Variants in MICU1 observed in about 807,000 individuals in gnomAD.
The protein encoded by MICU1 is calcium uptake protein 1, mitochondrial.
MICU1 carries 45 observed loss-of-function variants against 56.8 expected under a neutral mutation model. The ratio of observed to expected loss-of-function variants is 0.79; its 90% CI spans 0.62 to 1.02. The LOEUF is 1.02. MICU1 is among the 50% of genes least tolerant of loss of function. The pLI, the probability that MICU1 is intolerant of heterozygous loss-of-function variation, is 0.00. For synonymous variants in MICU1, 186 were observed against 195.1 expected, an observed-to-expected ratio of 0.95 and a Z score of 0.39; for missense variants, 504 against 587.1, an observed-to-expected ratio of 0.86 and a Z score of 1.46.
At chr10:72,595,178 C>T (rs538733984) in intron 1 of MICU1, among the ~76,000 whole-genome samples, 7 of 151,650 alleles carry the variant, frequency 4.6e-5, no homozygotes, top group East Asian at 1.9e-4. Context: ...AGGCTGGGCG[C>T]GGTGGCTCAC....
At chr10:72,622,868 T>G (rs1842137079) in intron 1 of MICU1, among the ~76,000 whole-genome samples, 1 of 152,206 alleles carries the variant, frequency 6.6e-6, no homozygotes, top group Non-Finnish European at 1.5e-5. Flanking sequence ...TTAAAAGTAT[T>G]AACAATTTTC....
At chr10:72,538,939 G>A (rs1432565862) in intron 4 of MICU1, among the ~76,000 whole-genome samples, 1 of 151,988 alleles carries the variant, frequency 6.6e-6, no homozygotes, top group African/African-American at 2.4e-5. Context: ...AAGAGAGCAG[G>A]AGTAGCTATA....
At chr10:72,439,927 T>C (rs1008064232) in intron 8 of MICU1, among the ~76,000 whole-genome samples, 1 of 152,228 alleles carries the variant, frequency 6.6e-6, no homozygotes, top group Non-Finnish European at 1.5e-5. Context: ...GAACATTCCA[T>C]GCTCATGGAT....
intron 1 of MICU1, among the ~76,000 whole-genome samples, chr10:72,621,838 T>C (rs1842111993): frequency 6.6e-6 from 1 of 152,132 alleles, no homozygotes; most frequent in Non-Finnish European, 1.5e-5. Flanking sequence ...ATAATAGGCA[T>C]TAAAAATAGA....
chr10:72,489,720 TG>T (rs1866592426), intron 6 of MICU1, among the ~76,000 whole-genome samples: 1 of 152,234 alleles, frequency 6.6e-6, no homozygotes, highest in South Asian at 2.1e-4. Flanking sequence ...CCACCCTGTA[TG>T]TTTTTCTAAT....
chr10:72,484,340 T>G (rs537045635), intron 6 of MICU1, among the ~76,000 whole-genome samples: 1 of 152,232 alleles, frequency 6.6e-6, no homozygotes, highest in Admixed American at 6.5e-5. Context: ...AATCTAGTTC[T>G]TCTTAGCTCT....
intron 8 of MICU1, among the ~76,000 whole-genome samples, chr10:72,472,421 C>A (rs1033262371): frequency 1.3e-5 from 2 of 152,002 alleles, no homozygotes; most frequent in African/African-American, 4.8e-5. Context: ...CCTCTGTATG[C>A]GATGAAGAAA....
chr10:72,543,123 A>G (rs1042985092), intron 4 of MICU1, among the ~76,000 whole-genome samples: 1 of 152,176 alleles, frequency 6.6e-6, no homozygotes, highest in African/African-American at 2.4e-5. Flanking sequence ...CTGGAATAGA[A>G]GTTCTCACTT....
At chr10:72,416,970 C>T (rs999862521) in intron 9 of MICU1, among the ~76,000 whole-genome samples, 10 of 152,260 alleles carry the variant, frequency 6.6e-5, no homozygotes, top group Non-Finnish European at 1.3e-4. Context: ...AAATCTGTTT[C>T]GTTCCAGTAG....
intron 1 of MICU1, among the ~76,000 whole-genome samples, chr10:72,601,795 TC>T (rs1841543213): frequency 3.6e-5 from 1 of 28,060 alleles, no homozygotes. Flanking sequence ...TTTCTTTTTT[TC>T]TTTTTCTTTT....
At chr10:72,616,115 TTC>T (rs1455037843) in intron 1 of MICU1, among the ~76,000 whole-genome samples, 1 of 152,256 alleles carries the variant, frequency 6.6e-6, no homozygotes, top group African/African-American at 2.4e-5. Context: ...TCTGTGTCAC[TTC>T]TGTTTTGGTT....
At chr10:72,614,175 T>G (rs924969903) in intron 1 of MICU1, among the ~76,000 whole-genome samples, 2 of 151,554 alleles carry the variant, frequency 1.3e-5, no homozygotes, top group Non-Finnish European at 2.9e-5. Context: ...TAATATAAAA[T>G]GTACCCATAC....
At chr10:72,507,304 T>G (rs1026797984) in intron 6 of MICU1, among the ~76,000 whole-genome samples, 1 of 152,100 alleles carries the variant, frequency 6.6e-6, no homozygotes, top group African/African-American at 2.4e-5. Context: ...TTAAAAAAAG[T>G]CACATCAAAA....
intron 1 of MICU1, among the ~76,000 whole-genome samples, chr10:72,582,548 T>C (rs940040690): frequency 2.0e-5 from 3 of 152,106 alleles, no homozygotes; most frequent in African/African-American, 7.2e-5. Flanking sequence ...TTGAACCTTG[T>C]CAGGTTCAAG....
intron 6 of MICU1, among the ~76,000 whole-genome samples, chr10:72,495,382 G>A (rs12770637): frequency 6.6e-6 from 1 of 152,134 alleles, no homozygotes; most frequent in African/African-American, 2.4e-5. Context: ...TAGGCTGGGT[G>A]CAGTGGCTCA....
intron 1 of MICU1, among the ~76,000 whole-genome samples, chr10:72,575,099 G>C (rs1270915272): frequency 6.6e-6 from 1 of 152,058 alleles, no homozygotes. Context: ...GGGTCTTGCT[G>C]TATTGCTAAG....
intron 5 of MICU1, among the ~76,000 whole-genome samples, chr10:72,514,266 T>C (rs1312785458): frequency 3.3e-5 from 5 of 152,188 alleles, no homozygotes; most frequent in Non-Finnish European, 7.3e-5. Context: ...TACTTAACTA[T>C]ACTTTAGGCA....
chr10:72,530,367 A>ATAC (rs1466343331), intron 5 of MICU1, among the ~76,000 whole-genome samples: 1 of 145,392 alleles, frequency 6.9e-6, no homozygotes, highest in Non-Finnish European at 1.5e-5. Context: ...AATAATAATA[A>ATAC]TAATAATGCC....
chr10:72,494,541 T>C (rs1866773175), intron 6 of MICU1, among the ~76,000 whole-genome samples: 4 of 152,140 alleles, frequency 2.6e-5, no homozygotes, highest in East Asian at 1.9e-4. Context: ...CTTATTATCA[T>C]TACATATTAT....
Sources: gnomAD v4.1 joint callset for allele counts (sites outside exome capture counted in the v4.1 genomes callset) on GRCh38, gnomAD v4.1.1 for gene constraint, MANE v1.5 for transcripts, NCBI Gene and HGNC (gene_info 2026-07-23, HGNC 2026-07-21) for gene names.